Variants in MYLK4 observed in about 807,000 individuals in gnomAD.
MYLK4 encodes the protein myosin light chain kinase family member 4.
A neutral mutation model predicts 48.1 loss-of-function variants in MYLK4; 46 were observed. The observed-to-expected ratio is 0.96, with a 90% confidence interval of 0.75 to 1.22. MYLK4 has a LOEUF of 1.22. Ranked by LOEUF, MYLK4 falls within the 50% of genes most tolerant of loss-of-function variation. The pLI is 0.00. For synonymous variants in MYLK4, 170 were observed against 180.8 expected, an observed-to-expected ratio of 0.94 and a Z score of 0.48; for missense variants, 451 against 486.1, an observed-to-expected ratio of 0.93 and a Z score of 0.68.
the MYLK4 span, among the ~76,000 whole-genome samples, chr6:2,757,927 C>T: frequency 6.6e-6 from 1 of 152,194 alleles, no homozygotes; most frequent in Non-Finnish European, 1.5e-5. Flanking sequence ...ACAGCCTAGG[C>T]TTGAGTTCAA....
intron 2 of MYLK4, among the ~76,000 whole-genome samples, chr6:2,743,505 G>A (rs368114556): frequency 1.3e-5 from 2 of 152,362 alleles, no homozygotes. Flanking sequence ...GCTATGCTCA[G>A]AAGGGCTGAT....
At chr6:2,704,782 G>T (rs9503260) in intron 2 of MYLK4, among the ~76,000 whole-genome samples, 27,540 of 152,130 alleles carry the variant, frequency 0.18, 2,559 homozygotes, top group Admixed American at 0.22. Flanking sequence ...AAATTTCTTT[G>T]CACATCTCCT....
chr6:2,669,072 TA>T (rs145455007), intron 12 of MYLK4, among the ~76,000 whole-genome samples: 16,568 of 148,644 alleles, frequency 0.11, 1,063 homozygotes, highest in East Asian at 0.29. Context: ...TGTCTCTAAT[TA>T]AAAAAAAAAC....
At chr6:2,762,726 T>C in the MYLK4 span, among the ~76,000 whole-genome samples, 1 of 152,238 alleles carries the variant, frequency 6.6e-6, no homozygotes, top group Non-Finnish European at 1.5e-5. Flanking sequence ...TAACAGTTCT[T>C]AAACACAGTG....
chr6:2,757,788 C>G, the MYLK4 span, among the ~76,000 whole-genome samples: 5 of 152,136 alleles, frequency 3.3e-5, no homozygotes, highest in Non-Finnish European at 5.9e-5. Context: ...ATTGCTATAC[C>G]AAATATGGTT....
Position 2,719,350 on chromosome 6 carries a change from G to A in MYLK4, c.160-26491C>T, listed in dbSNP as rs557805744. 3.9e-5 allele frequency among the ~76,000 whole-genome samples: 6 copies of A among 152,316 alleles called. No individual in the cohort carries two copies. The South Asian group carries it at 1.0e-3, about 26-fold the overall frequency. On this transcript the variant is annotated intron_variant, in intron 2 of 12. Transcript: ENST00000274643. ...AAACCAGCAGCATTTCTGTAAACTG[G>A]AAGGGTAAGGCATAATCCCCCCAAC...
chr6:2,740,380 G>T (rs1056974987), intron 2 of MYLK4, among the ~76,000 whole-genome samples: 1 of 152,192 alleles, frequency 6.6e-6, no homozygotes, highest in South Asian at 2.1e-4. Context: ...TGGCATTGCT[G>T]CGGGACCTTC....
Position 2,666,224 on chromosome 6 carries a change from C to G in MYLK4, c.*1701G>C, listed in dbSNP as rs1760647174. 6.6e-6 allele frequency: 1 copy of G among 152,154 alleles called. No homozygotes were observed. Among genetic ancestry groups the G allele is most frequent in the Admixed American group, 6.5e-5 (1 of 15,274 alleles). 9.4% of individuals were successfully genotyped at this position (152,154 alleles called of 1,614,324 possible). On this transcript the variant is annotated 3_prime_UTR_variant, in exon 13 of 13. Coordinates refer to ENST00000274643, the MANE Select transcript of MYLK4 (RefSeq NM_001012418.5). ...TGCTGTAAGGATTCCTTAAGTGGAT[C>G]TGAGAGATAATGGGGGAAAGCTGAT...
intron 2 of MYLK4, among the ~76,000 whole-genome samples, chr6:2,701,329 G>A (rs1762272220): frequency 6.6e-6 from 1 of 152,012 alleles, no homozygotes; most frequent in Admixed American, 6.5e-5. Flanking sequence ...AGTTCAGTTC[G>A]GCCTCCCCGA....
At chr6:2,689,597 T>C (rs1256084361) in intron 3 of MYLK4, among the ~76,000 whole-genome samples, 1 of 152,204 alleles carries the variant, frequency 6.6e-6, no homozygotes, top group Non-Finnish European at 1.5e-5. Context: ...TAAACGCTCG[T>C]CCACATCAGC....
At chr6:2,697,134 A>G (rs1323973472) in intron 2 of MYLK4, among the ~76,000 whole-genome samples, 1 of 152,266 alleles carries the variant, frequency 6.6e-6, no homozygotes, top group Non-Finnish European at 1.5e-5. Context: ...ATAAATAAAT[A>G]TATCGCGGAG....
intron 2 of MYLK4, among the ~76,000 whole-genome samples, chr6:2,725,402 G>A (rs1252075856): frequency 6.6e-6 from 1 of 151,962 alleles, no homozygotes; most frequent in Non-Finnish European, 1.5e-5. Flanking sequence ...GAAGTTCAAG[G>A]CTGCAATGAG....
intron 12 of MYLK4, among the ~76,000 whole-genome samples, chr6:2,669,286 G>A (rs1038141733): frequency 2.6e-5 from 4 of 152,188 alleles, no homozygotes; most frequent in East Asian, 1.9e-4. Flanking sequence ...CTGCCCCAGC[G>A]TGGCCAGCCC....
chr6:2,745,294 A>G (rs563414363), intron 2 of MYLK4, among the ~76,000 whole-genome samples: 1 of 152,098 alleles, frequency 6.6e-6, no homozygotes, highest in Non-Finnish European at 1.5e-5. Flanking sequence ...TATAGATAAC[A>G]GAGAACTGAC....
chr6:2,693,911 C>G (rs550084860), intron 2 of MYLK4, among the ~76,000 whole-genome samples: 1 of 152,166 alleles, frequency 6.6e-6, no homozygotes, highest in African/African-American at 2.4e-5. Flanking sequence ...GCATGTACCA[C>G]CATGCCTGGC....
In MYLK4 at chr6:2,686,949, C is replaced by T. The variant is rs540718996; in HGVS notation, c.342-1373G>A. On this transcript the variant is annotated intron_variant, in intron 4 of 12. Coordinates refer to ENST00000274643, the MANE Select transcript of MYLK4 (RefSeq NM_001012418.5). ...TGGTGCCCATCACTGTCTGACTTCC[C>T]GGCTCCCTCAACCTTCTGACTCTTT... Among the ~76,000 whole-genome samples, 359 of 152,284 alleles carry T rather than the reference C, an allele frequency of 2.4e-3. 2 individuals carry two copies. The highest frequency in any genetic ancestry group is 4.1e-3 in the Non-Finnish European group (281 of 68,026).
chr6:2,679,028 G>T (rs1484468959), intron 9 of MYLK4, among the ~76,000 whole-genome samples: 1 of 152,028 alleles, frequency 6.6e-6, no homozygotes, highest in East Asian at 1.9e-4. Flanking sequence ...TTAATTTTTG[G>T]CTTTTAGGTT....
chr6:2,708,555 G>A (rs1762570690), intron 2 of MYLK4, among the ~76,000 whole-genome samples: 1 of 152,256 alleles, frequency 6.6e-6, no homozygotes, highest in Admixed American at 6.5e-5. Flanking sequence ...GTTAGTCTCA[G>A]GCAGCCCCAA....
intron 12 of MYLK4, among the ~76,000 whole-genome samples, chr6:2,668,970 A>T (rs75833800): frequency 6.6e-6 from 1 of 152,046 alleles, no homozygotes; most frequent in Non-Finnish European, 1.5e-5. Flanking sequence ...CAGGAGGCTG[A>T]GGTAGGAGGA....
Sources: gnomAD v4.1 joint callset for allele counts (sites outside exome capture counted in the v4.1 genomes callset) on GRCh38, gnomAD v4.1.1 for gene constraint, MANE v1.5 for transcripts, NCBI Gene and HGNC (gene_info 2026-07-23, HGNC 2026-07-21) for gene names.